Variants in UTRN observed in about 807,000 individuals in gnomAD.
The protein encoded by UTRN is dystrophin-related protein 1.
In UTRN, 283 loss-of-function variants were observed where a neutral mutation model predicts 463.9. That is an observed-to-expected ratio of 0.61 (90% confidence interval 0.55 to 0.67). The LOEUF (loss-of-function observed/expected upper bound fraction) is 0.67, where lower values mean the gene tolerates loss of function less well. Among genes scored for constraint, UTRN ranks in the 30% least tolerant of loss-of-function variants. The pLI is 0.00. For missense variants in UTRN, 3,922 were observed against 4,084.3 expected (o/e 0.96, Z 1.08); for synonymous variants, 1,442 against 1,431.5 (o/e 1.01, Z -0.17).
At chr6:144,314,950 A>AT (rs148859561) in intron 2 of UTRN, among the ~76,000 whole-genome samples, 13,251 of 151,676 alleles carry the variant, frequency 0.087, 1,659 homozygotes, top group African/African-American at 0.27. Context: ...CTCTCTATAT[A>AT]TTTTTTTCCT....
chr6:144,768,894 A>G (rs569684049), intron 58 of UTRN, among the ~76,000 whole-genome samples: 1 of 139,994 alleles, frequency 7.1e-6, no homozygotes, highest in South Asian at 2.3e-4. Flanking sequence ...TGTTCTCACT[A>G]TTGTTTGCTT....
intron 50 of UTRN, among the ~76,000 whole-genome samples, chr6:144,558,819 G>A (rs917367827): frequency 6.6e-6 from 1 of 151,938 alleles, no homozygotes; most frequent in Non-Finnish European, 1.5e-5. Flanking sequence ...GAGCCCTGAG[G>A]CACCCCAATA....
chr6:144,362,962 G>GT (rs1779202835), intron 2 of UTRN, among the ~76,000 whole-genome samples: 1 of 151,992 alleles, frequency 6.6e-6, no homozygotes, highest in Non-Finnish European at 1.5e-5. Flanking sequence ...TTTCTCTTAG[G>GT]TTTTGTATTA....
At chr6:144,775,166 G>T (rs1315613920) in intron 60 of UTRN, among the ~76,000 whole-genome samples, 1 of 152,160 alleles carries the variant, frequency 6.6e-6, no homozygotes, top group Non-Finnish European at 1.5e-5. Context: ...GCAGTTCAGT[G>T]ATGCTTTGAA....
At chr6:144,629,629 G>T (rs1776305841) in intron 51 of UTRN, among the ~76,000 whole-genome samples, 2 of 152,202 alleles carry the variant, frequency 1.3e-5, no homozygotes, top group Admixed American at 1.3e-4. Context: ...TAAGTCTAGA[G>T]ACTAATTCCT....
chr6:144,324,743 T>A (rs1775869922), intron 2 of UTRN, among the ~76,000 whole-genome samples: 1 of 152,186 alleles, frequency 6.6e-6, no homozygotes. Context: ...GCTACTATAA[T>A]TACAATAAGA....
chr6:144,431,235 TA>T (rs886352619), intron 9 of UTRN, among the ~76,000 whole-genome samples: 4 of 152,194 alleles, frequency 2.6e-5, no homozygotes, highest in African/African-American at 9.7e-5. Context: ...CCTTCTCTCT[TA>T]AAAAGGAAGG....
chr6:144,459,409 A>G, intron 21 of UTRN, 55 bp downstream of exon 21: 1 of 1,512,872 alleles, frequency 6.6e-7, no homozygotes, highest in Non-Finnish European at 8.8e-7. Flanking sequence ...TGTAAACATG[A>G]CTCCCAACAT....
At chr6:144,343,363 AACACACACAC>A (rs3061626) in intron 2 of UTRN, among the ~76,000 whole-genome samples, 17,987 of 135,326 alleles carry the variant, frequency 0.13, 1,318 homozygotes, top group East Asian at 0.24. Context: ...GTCTCTACTA[AACACACACAC>A]ACACACACAC....
intron 2 of UTRN, among the ~76,000 whole-genome samples, chr6:144,384,463 ACTCCCCCACTGC>A (rs971100061): frequency 1.3e-5 from 2 of 150,710 alleles, no homozygotes; most frequent in African/African-American, 4.9e-5. Context: ...TCCCGAAACC[ACTCCCCCACTGC>A]CTCCCCCACT....
intron 2 of UTRN, among the ~76,000 whole-genome samples, chr6:144,346,556 C>T (rs1777585122): frequency 6.6e-6 from 1 of 152,160 alleles, no homozygotes; most frequent in Admixed American, 6.5e-5. Flanking sequence ...CACAATGGCT[C>T]ATGCTTGTAA....
chr6:144,422,229 G>C (rs1156816839), intron 4 of UTRN, among the ~76,000 whole-genome samples: 1 of 152,070 alleles, frequency 6.6e-6, no homozygotes, highest in Non-Finnish European at 1.5e-5. Context: ...CAGGATGAGA[G>C]AATTACAAAA....
chr6:144,477,985 G>A (rs1191460497), intron 25 of UTRN, among the ~76,000 whole-genome samples: 1 of 151,892 alleles, frequency 6.6e-6, no homozygotes, highest in Non-Finnish European at 1.5e-5. Context: ...ATAAATATAT[G>A]GGAAATTTAA....
At chr6:144,777,151 C>A (rs1350825960) in intron 60 of UTRN, among the ~76,000 whole-genome samples, 1 of 152,128 alleles carries the variant, frequency 6.6e-6, no homozygotes. Flanking sequence ...TTAGGACACA[C>A]TGAGTGAATG....
At chr6:144,509,156 A>G (rs904133722) in intron 34 of UTRN, among the ~76,000 whole-genome samples, 1 of 152,162 alleles carries the variant, frequency 6.6e-6, no homozygotes, top group African/African-American at 2.4e-5. Flanking sequence ...TATTAATTCT[A>G]TTCGGTAACA....
chr6:144,797,434 A>G (rs548434617), intron 63 of UTRN, among the ~76,000 whole-genome samples: 17 of 152,258 alleles, frequency 1.1e-4, no homozygotes, highest in African/African-American at 4.1e-4. Context: ...AGCTCAGGCA[A>G]TCCGCTTGCC....
At chr6:144,448,011 T>C (rs1787864126) in intron 16 of UTRN, among the ~76,000 whole-genome samples, 1 of 152,188 alleles carries the variant, frequency 6.6e-6, no homozygotes, top group Admixed American at 6.6e-5. Context: ...CAATAAATAA[T>C]CTTAACATCT....
At chr6:144,436,188 C>A (rs780797978) in intron 10 of UTRN, 50 bp downstream of exon 10, 13 of 1,547,230 alleles carry the variant, frequency 8.4e-6, no homozygotes, top group East Asian at 2.2e-5. Flanking sequence ...GGGACCTGAG[C>A]CTTAATCAGG....
intron 52 of UTRN, among the ~76,000 whole-genome samples, chr6:144,695,156 A>G (rs1783858312): frequency 7.9e-5 from 12 of 152,132 alleles, no homozygotes; most frequent in Admixed American, 7.9e-4. Flanking sequence ...AATTTTTTAA[A>G]AAGAAAATGT....
Sources: gnomAD v4.1 joint callset for allele counts (sites outside exome capture counted in the v4.1 genomes callset) on GRCh38, gnomAD v4.1.1 for gene constraint, MANE v1.5 for transcripts, NCBI Gene and HGNC (gene_info 2026-07-23, HGNC 2026-07-21) for gene names.